The following SRGAP2C variants were observed in gnomAD, a reference collection of about 807,000 sequenced individuals.
SRGAP2C encodes the protein SLIT-ROBO Rho GTPase activating protein 2C.
SRGAP2C carries 15 observed loss-of-function variants against 25.1 expected under a neutral mutation model. The ratio of observed to expected loss-of-function variants is 0.60; its 90% CI spans 0.40 to 0.92. The LOEUF (loss-of-function observed/expected upper bound fraction) is 0.92, where lower values mean the gene tolerates loss of function less well. Ranked by LOEUF, SRGAP2C falls within the 40% of genes least tolerant of loss-of-function variation. The pLI, the probability that SRGAP2C is intolerant of heterozygous loss-of-function variation, is 0.00. For synonymous variants in SRGAP2C, 44 were observed against 96.6 expected, an observed-to-expected ratio of 0.46 and a Z score of 3.19; for missense variants, 144 against 264.4, an observed-to-expected ratio of 0.54 and a Z score of 3.16.
intron 2 of SRGAP2C, among the ~76,000 whole-genome samples, chr1:121,223,351 T>TTGCGTGTG (rs1175833878): frequency 1.5e-5 from 1 of 64,830 alleles, no homozygotes; most frequent in Admixed American, 1.6e-4. Context: ...TGGGAGGAGT[T>TTGCGTGTG]TGTGTGTGTG....
At chr1:121,328,546 T>C (rs1447818166) in intron 4 of SRGAP2C, among the ~76,000 whole-genome samples, 7 of 150,834 alleles carry the variant, frequency 4.6e-5, no homozygotes, top group African/African-American at 1.7e-4. Context: ...ACTATTGTCA[T>C]CATCGCTGTT....
chr1:121,263,459 C>T (rs1656683433), intron 2 of SRGAP2C, among the ~76,000 whole-genome samples: 1 of 148,296 alleles, frequency 6.7e-6, no homozygotes, highest in Non-Finnish European at 1.5e-5. Flanking sequence ...AACTTCAGTG[C>T]TTTTCTTTGT....
chr1:121,370,478 G>T, intron 5 of SRGAP2C, among the ~76,000 whole-genome samples: 2 of 105,742 alleles, frequency 1.9e-5, no homozygotes, highest in Admixed American at 1.3e-4. Context: ...GTCTCGCTCT[G>T]TTGCCCAGGC....
At chr1:121,196,903 A>G (rs1654841524) in intron 2 of SRGAP2C, among the ~76,000 whole-genome samples, 1 of 149,778 alleles carries the variant, frequency 6.7e-6, no homozygotes, top group African/African-American at 2.5e-5. Flanking sequence ...TTGTATCTTG[A>G]CACTGTATCT....
chr1:121,313,912 G>T (rs1354097757), intron 3 of SRGAP2C, among the ~76,000 whole-genome samples: 2 of 140,504 alleles, frequency 1.4e-5, no homozygotes, highest in African/African-American at 2.7e-5. Context: ...TCTTCGAGTT[G>T]CTCTTCTTCA....
chr1:121,259,843 C>CATTTT (rs1656577246), intron 2 of SRGAP2C, among the ~76,000 whole-genome samples: 2 of 107,752 alleles, frequency 1.9e-5, no homozygotes, highest in Non-Finnish European at 3.7e-5. Flanking sequence ...TCTTCTTCTA[C>CATTTT]TTTTTTTTTT....
intron 3 of SRGAP2C, among the ~76,000 whole-genome samples, chr1:121,304,163 A>T (rs1361886839): frequency 6.9e-6 from 1 of 145,504 alleles, no homozygotes; most frequent in East Asian, 2.1e-4. Context: ...GTGAGCCGAG[A>T]TCGTGCCACT....
chr1:121,202,521 C>T (rs1228591445), intron 2 of SRGAP2C, among the ~76,000 whole-genome samples: 13 of 148,012 alleles, frequency 8.8e-5, no homozygotes, highest in South Asian at 2.1e-4. Context: ...CTCCGACTCC[C>T]GGATTCAAGT....
intron 4 of SRGAP2C, among the ~76,000 whole-genome samples, chr1:121,347,528 G>A (rs1553344216): frequency 2.0e-5 from 3 of 151,462 alleles, no homozygotes; most frequent in Admixed American, 1.3e-4. Flanking sequence ...CACTCTTTAT[G>A]CCTAGGGTTT....
At chr1:121,286,411 C>T (rs1341158992) in intron 3 of SRGAP2C, among the ~76,000 whole-genome samples, 2 of 151,218 alleles carry the variant, frequency 1.3e-5, no homozygotes, top group Non-Finnish European at 2.9e-5. Context: ...CCATCATACC[C>T]AGCTATTTTT....
chr1:121,315,572 C>A (rs1362065606), intron 3 of SRGAP2C, among the ~76,000 whole-genome samples: 9 of 151,588 alleles, frequency 5.9e-5, no homozygotes, highest in African/African-American at 2.2e-4. Flanking sequence ...TAAAGTTTTG[C>A]CAGTAAAATA....
At chr1:121,383,599 C>A (rs1252832116) in intron 8 of SRGAP2C, among the ~76,000 whole-genome samples, 2 of 112,978 alleles carry the variant, frequency 1.8e-5, no homozygotes, top group Non-Finnish European at 3.7e-5. Context: ...AACATGGGGG[C>A]CTTGTTTTGG....
In SRGAP2C at chr1:121,355,296, A is replaced by G. The variant is rs1475746688; in HGVS notation, c.424-9997A>G. Among the ~76,000 whole-genome samples, 10 of 136,582 alleles carry G rather than the reference A, an allele frequency of 7.3e-5. No homozygotes were observed. In the Admixed American group the frequency reaches 7.8e-4, roughly 11 times the overall value. The allele number at this position is 136,582 out of a possible 152,430, so 89.6% of individuals were successfully genotyped here. A position where few individuals can be genotyped will look rare whatever the true frequency, so the allele number is the denominator to read the frequency against. ...TACTGCGCCTGACAACTGCGGGTAG[A>G]TACACATTCTTTTTTTTTTTTTTTT... is the stretch of plus-strand genomic sequence containing the variant. On this transcript the variant is annotated intron_variant, in intron 4 of 9. Transcript: ENST00000367123.
intron 2 of SRGAP2C, among the ~76,000 whole-genome samples, chr1:121,267,390 C>T (rs1656823484): frequency 1.3e-5 from 2 of 150,686 alleles, no homozygotes. Flanking sequence ...TGGGGTTCTG[C>T]CATGTTGGCC....
At chr1:121,272,485 A>G (rs1553335429) in intron 2 of SRGAP2C, among the ~76,000 whole-genome samples, 1 of 151,778 alleles carries the variant, frequency 6.6e-6, no homozygotes, top group Non-Finnish European at 1.5e-5. Context: ...GCCTTCAAGA[A>G]GAAATGGTAA....
At chr1:121,263,101 C>T (rs1375073265) in intron 2 of SRGAP2C, among the ~76,000 whole-genome samples, 4 of 151,812 alleles carry the variant, frequency 2.6e-5, no homozygotes, top group Non-Finnish European at 5.9e-5. Context: ...TGCCTGTAAT[C>T]TCAGCACTTT....
intron 4 of SRGAP2C, among the ~76,000 whole-genome samples, chr1:121,334,482 A>AAG (rs1658470311): frequency 6.7e-6 from 1 of 150,176 alleles, no homozygotes; most frequent in African/African-American, 2.5e-5. Context: ...GTTTGTTTTA[A>AAG]AGAGATGGAG....
In SRGAP2C at chr1:121,208,569, G is replaced by A. The variant is rs1441000196; in HGVS notation, c.67+21056G>A. On this transcript the variant is annotated intron_variant, in intron 2 of 9. Transcript: ENST00000367123. ...CACATTGGGGAACCTCTTGGGCTCT[G>A]TTCATGCTTGAAGTATGACTGTGCC... 2.6e-5 allele frequency among the ~76,000 whole-genome samples: 4 copies of A among 152,200 alleles called. No individual in the cohort carries two copies. The South Asian group carries it at 6.2e-4, about 24-fold the overall frequency.
Position 121,391,123 on chromosome 1 carries a change from C to T in SRGAP2C, c.*3268C>T. The T allele has an allele frequency of 6.6e-6, 1 of 151,800 alleles. No individual in the cohort carries two copies. The highest frequency in any genetic ancestry group is 2.4e-5 in the African/African-American group (1 of 41,282). 9.4% of individuals were successfully genotyped at this position (151,800 alleles called of 1,614,324 possible). Reference sequence around the variant, plus strand: ...CCTGTAATCCCAGCACTTTGGGAGGCCGAGGCGGGTGGATCACCTGAGGTC... The same window carrying T: ...CCTGTAATCCCAGCACTTTGGGAGGTCGAGGCGGGTGGATCACCTGAGGTC... On this transcript the variant is annotated 3_prime_UTR_variant, in exon 10 of 10. Transcript: ENST00000367123.
Sources: allele counts gnomAD v4.1 joint callset (sites outside exome capture counted in the v4.1 genomes callset), GRCh38; gene constraint gnomAD v4.1.1; transcripts MANE v1.5; gene names NCBI Gene and HGNC (gene_info 2026-07-23, HGNC 2026-07-21).